The following CCBE1 variants were observed in gnomAD, a reference collection of about 807,000 sequenced individuals.
CCBE1 encodes the protein collagen and calcium-binding EGF domain-containing protein 1.
In CCBE1, 37 loss-of-function variants were observed where a neutral mutation model predicts 50.0. That is an observed-to-expected ratio of 0.74 (90% confidence interval 0.57 to 0.97). CCBE1 has a LOEUF of 0.97. CCBE1 is among the 50% of genes least tolerant of loss of function. CCBE1 has a pLI of 0.00. For missense variants in CCBE1, 538 were observed against 523.8 expected (o/e 1.03, Z -0.26); for synonymous variants, 234 against 203.7 (o/e 1.15, Z -1.27).
chr18:59,523,250 T>C (rs1292782658), intron 2 of CCBE1, among the ~76,000 whole-genome samples: 1 of 150,594 alleles, frequency 6.6e-6, no homozygotes, highest in African/African-American at 2.4e-5. Flanking sequence ...GAGGTGGGGG[T>C]GAGCTACATT....
intron 2 of CCBE1, among the ~76,000 whole-genome samples, chr18:59,607,172 C>T (rs925610850): frequency 1.1e-4 from 16 of 152,094 alleles, no homozygotes; most frequent in African/African-American, 3.6e-4. Flanking sequence ...CTGTCCAGTA[C>T]AGCTGAAAAC....
At chr18:59,673,706 G>T (rs983435840) in intron 2 of CCBE1, among the ~76,000 whole-genome samples, 2 of 152,096 alleles carry the variant, frequency 1.3e-5, no homozygotes, top group Non-Finnish European at 2.9e-5. Flanking sequence ...TAATAATGTG[G>T]TTTTTGTCAT....
chr18:59,553,887 G>C (rs1022234081), intron 2 of CCBE1, among the ~76,000 whole-genome samples: 2 of 152,232 alleles, frequency 1.3e-5, no homozygotes, highest in Admixed American at 6.5e-5. Context: ...GTATTACAAA[G>C]CATGGCCAAT....
chr18:59,694,163 CCCGGCCTAGTA>C (rs1050720689), intron 2 of CCBE1, among the ~76,000 whole-genome samples: 54 of 152,084 alleles, frequency 3.6e-4, no homozygotes, highest in African/African-American at 1.3e-3. Context: ...AGCCACCGCA[CCCGGCCTAGTA>C]ACTTTTTTAA....
At chr18:59,631,613 A>C (rs1405422412) in intron 2 of CCBE1, among the ~76,000 whole-genome samples, 1 of 152,248 alleles carries the variant, frequency 6.6e-6, no homozygotes, top group African/African-American at 2.4e-5. Flanking sequence ...TGCAGGTTGT[A>C]GACTACTGGA....
intron 2 of CCBE1, among the ~76,000 whole-genome samples, chr18:59,520,542 C>G (rs147102080): frequency 8.3e-4 from 126 of 152,302 alleles, no homozygotes; most frequent in African/African-American, 2.9e-3. Flanking sequence ...GCATGGTGAA[C>G]TTTTCAAATG....
At chr18:59,513,905 C>T (rs1399192669) in intron 2 of CCBE1, among the ~76,000 whole-genome samples, 2 of 152,144 alleles carry the variant, frequency 1.3e-5, no homozygotes, top group African/African-American at 4.8e-5. Context: ...CCCCCTATGC[C>T]ACACTTGGGC....
chr18:59,697,152 C>T, intron 1 of CCBE1, 60 bp downstream of exon 1: 2 of 1,545,142 alleles, frequency 1.3e-6, no homozygotes, highest in African/African-American at 1.4e-5. Context: ...CGCCCGCACC[C>T]CGCGAGCCGG....
At chr18:59,535,064 G>A (rs1174815948) in intron 2 of CCBE1, among the ~76,000 whole-genome samples, 2 of 152,154 alleles carry the variant, frequency 1.3e-5, no homozygotes, top group African/African-American at 2.4e-5. Flanking sequence ...AATATCTCAA[G>A]TCTATATAAC....
At chr18:59,583,551 T>G (rs2053118470) in intron 2 of CCBE1, among the ~76,000 whole-genome samples, 2 of 152,182 alleles carry the variant, frequency 1.3e-5, no homozygotes, top group South Asian at 4.1e-4. Flanking sequence ...GCCCTTTTTC[T>G]AAAGGGTGAT....
chr18:59,521,260 A>G (rs569829877), intron 2 of CCBE1, among the ~76,000 whole-genome samples: 2 of 152,356 alleles, frequency 1.3e-5, no homozygotes, highest in African/African-American at 4.8e-5. Context: ...CAACTCTGAC[A>G]CGGAGATTTA....
At chr18:59,507,783 A>T (rs561205224) in intron 2 of CCBE1, among the ~76,000 whole-genome samples, 1 of 152,210 alleles carries the variant, frequency 6.6e-6, no homozygotes, top group South Asian at 2.1e-4. Flanking sequence ...TTTGTGATTA[A>T]CAGTAAGTAT....
At chr18:59,662,453 C>G (rs1291557294) in intron 2 of CCBE1, among the ~76,000 whole-genome samples, 1 of 152,196 alleles carries the variant, frequency 6.6e-6, no homozygotes, top group African/African-American at 2.4e-5. Context: ...TTTGTCATTT[C>G]CTAAATATTT....
chr18:59,605,030 T>G (rs1271363222), intron 2 of CCBE1, among the ~76,000 whole-genome samples: 1 of 152,164 alleles, frequency 6.6e-6, no homozygotes, highest in Non-Finnish European at 1.5e-5. Context: ...GCCTGAAGAT[T>G]AAAGCAATGC....
intron 5 of CCBE1, among the ~76,000 whole-genome samples, chr18:59,458,701 G>A (rs763850563): frequency 1.3e-4 from 20 of 152,204 alleles, no homozygotes; most frequent in Non-Finnish European, 5.9e-5. Context: ...GTGGGTGCAC[G>A]CAGTGAGCCT....
At chr18:59,581,974 C>A (rs2053089966) in intron 2 of CCBE1, among the ~76,000 whole-genome samples, 1 of 152,100 alleles carries the variant, frequency 6.6e-6, no homozygotes, top group Admixed American at 6.6e-5. Context: ...CCTTAGGAAT[C>A]ATGGGCTAAG....
intron 2 of CCBE1, among the ~76,000 whole-genome samples, chr18:59,640,351 C>T (rs2053970525): frequency 1.3e-5 from 2 of 152,070 alleles, no homozygotes; most frequent in African/African-American, 4.8e-5. Context: ...ATCTGATCTT[C>T]AACAAAGTCA....
intron 2 of CCBE1, among the ~76,000 whole-genome samples, chr18:59,589,133 G>C (rs1330107253): frequency 6.6e-6 from 1 of 152,168 alleles, no homozygotes; most frequent in African/African-American, 2.4e-5. Flanking sequence ...CCTGTGGACA[G>C]GGAAAGGGAG....
chr18:59,444,695 G>A (rs1472609355), intron 7 of CCBE1, among the ~76,000 whole-genome samples: 1 of 151,332 alleles, frequency 6.6e-6, no homozygotes, highest in Non-Finnish European at 1.5e-5. Flanking sequence ...ATACAGACAG[G>A]GTCTCCCTAT....
Sources: allele counts gnomAD v4.1 joint callset (sites outside exome capture counted in the v4.1 genomes callset), GRCh38; gene constraint gnomAD v4.1.1; transcripts MANE v1.5; gene names NCBI Gene and HGNC (gene_info 2026-07-23, HGNC 2026-07-21).